The following PLXNA4 variants were observed in gnomAD, a reference collection of about 807,000 sequenced individuals.
PLXNA4 encodes plexin-A4.
PLXNA4 carries 44 observed loss-of-function variants against 191.8 expected under a neutral mutation model. The observed-to-expected ratio is 0.23, with a 90% CI of 0.18 to 0.29. The LOEUF is 0.29. PLXNA4 is among the 10% of genes least tolerant of loss of function. The pLI is 1.00. For synonymous variants in PLXNA4, 1,082 were observed against 1,009.5 expected (o/e 1.07, Z -1.36); for missense variants, 1,800 against 2,488.8 (o/e 0.72, Z 5.89).
intron 3 of PLXNA4, among the ~76,000 whole-genome samples, chr7:132,363,501 T>C (rs1435799562): frequency 6.6e-6 from 1 of 152,242 alleles, no homozygotes; most frequent in Non-Finnish European, 1.5e-5. Context: ...TTCATCCATG[T>C]TGTAGCACGT....
At chr7:132,303,434 C>T (rs927678765) in intron 3 of PLXNA4, among the ~76,000 whole-genome samples, 12 of 151,564 alleles carry the variant, frequency 7.9e-5, no homozygotes, top group African/African-American at 1.7e-4. Flanking sequence ...CTGGGCGTGG[C>T]GGTGGGCGCC....
Position 132,142,560 on chromosome 7 carries a change from G to A in PLXNA4, c.5226-1749C>T, listed in dbSNP as rs551210359. Among the ~76,000 whole-genome samples the A allele has an allele frequency of 3.0e-4, 45 of 152,278 alleles. 1 individual carries two copies. The South Asian group carries it at 9.3e-3, about 32-fold the overall frequency. ...TAATGTTCAAGACTGCCAATCAGTC[G>A]ACAAGGATCTATTAAGTTCCTACAA... On this transcript the variant is annotated intron_variant, in intron 29 of 31. Coordinates refer to ENST00000321063, the MANE Select transcript of PLXNA4 (RefSeq NM_020911.2).
At chr7:132,232,837 C>T (rs981914582) in intron 5 of PLXNA4, among the ~76,000 whole-genome samples, 1 of 152,122 alleles carries the variant, frequency 6.6e-6, no homozygotes, top group Non-Finnish European at 1.5e-5. Flanking sequence ...ATATTAACTC[C>T]CGGTGCCGCT....
At chr7:132,167,187 A>G (rs529627105) in intron 22 of PLXNA4, among the ~76,000 whole-genome samples, 2 of 152,352 alleles carry the variant, frequency 1.3e-5, no homozygotes, top group African/African-American at 4.8e-5. Flanking sequence ...GCCTTCGAGT[A>G]CACAAAAAGT....
At chr7:132,290,518 G>T (rs1371569062) in intron 4 of PLXNA4, among the ~76,000 whole-genome samples, 1 of 152,066 alleles carries the variant, frequency 6.6e-6, no homozygotes, top group Non-Finnish European at 1.5e-5. Context: ...TTATCACACT[G>T]GTTTCAGTGT....
chr7:132,132,468 C>CTGTTCTGTTCTGTTCTGTTCTGT lies in PLXNA4; in HGVS notation c.5589+580_5589+581insACAGAACAGAACAGAACAGAACA, dbSNP rs1563048357. ...TTCTGTTCTGTTCTGTTCTGTTCTG[C>CTGTTCTGTTCTGTTCTGTTCTGT]TCTGCTCTGCTCTGCTCTGCTCTAT... On this transcript the variant is annotated intron_variant, in intron 31 of 31. Transcript: ENST00000321063. 4.2e-3 allele frequency among the ~76,000 whole-genome samples: 189 copies of CTGTTCTGTTCTGTTCTGTTCTGT among 44,510 alleles called. 17 individuals are homozygous for CTGTTCTGTTCTGTTCTGTTCTGT. Among genetic ancestry groups the CTGTTCTGTTCTGTTCTGTTCTGT allele is most frequent in the Middle Eastern group, 0.011 (1 of 94 alleles). The allele number at this position is 44,510 out of a possible 152,430, so 29.2% of individuals were successfully genotyped here.
intron 3 of PLXNA4, among the ~76,000 whole-genome samples, chr7:132,418,252 A>G (rs1794731562): frequency 6.6e-6 from 1 of 152,126 alleles, no homozygotes; most frequent in African/African-American, 2.4e-5. Flanking sequence ...CTCTCCATCC[A>G]TCAAAGTTCA....
chr7:132,580,850 GA>G (rs997914183), upstream of PLXNA4, among the ~76,000 whole-genome samples: 3 of 152,178 alleles, frequency 2.0e-5, no homozygotes, highest in African/African-American at 7.2e-5. Flanking sequence ...GCACTGGATA[GA>G]AAAACCACAG....
At chr7:132,305,748 G>A (rs992514617) in intron 3 of PLXNA4, among the ~76,000 whole-genome samples, 2 of 152,122 alleles carry the variant, frequency 1.3e-5, no homozygotes, top group African/African-American at 2.4e-5. Context: ...GCAGATGCTT[G>A]CACTAGAGCA....
rs74887272 is a variant in PLXNA4 at position 132,297,052 on chromosome 7, G to A, written c.1503+1039C>T. ...TGTTAAGGCATAATGCACAAGCCCC[G>A]TGGGTGGCATAATGTGGAATTCATC... On this transcript the variant is annotated intron_variant, in intron 4 of 31. Transcript: ENST00000321063. 5.5e-3 allele frequency among the ~76,000 whole-genome samples: 832 copies of A among 152,250 alleles called. 9 individuals carry two copies. Among genetic ancestry groups the A allele is most frequent in the African/African-American group, 0.019 (783 of 41,546 alleles).
intron 16 of PLXNA4, among the ~76,000 whole-genome samples, chr7:132,184,711 G>T (rs1053217195): frequency 1.3e-5 from 2 of 151,310 alleles, no homozygotes; most frequent in South Asian, 2.1e-4. Context: ...CTCTGAGACA[G>T]GTGTTCAGTG....
chr7:132,334,830 T>C (rs542940914), intron 3 of PLXNA4, among the ~76,000 whole-genome samples: 6 of 152,322 alleles, frequency 3.9e-5, no homozygotes, highest in African/African-American at 1.2e-4. Flanking sequence ...AACATCGGCA[T>C]TGAATGGCGC....
rs571119478 is a variant in PLXNA4, at chr7:132,222,425, G to A, written c.2097+1102C>T. On this transcript the variant is annotated intron_variant, in intron 9 of 31. Coordinates refer to ENST00000321063, the MANE Select transcript of PLXNA4 (RefSeq NM_020911.2). ...TTAGTGGGGTATGAGTCTGGGATGG[G>A]GAGGGCACTTGATGGGCCTGTGTGT... Among the ~76,000 whole-genome samples the A allele has an allele frequency of 2.0e-5, 3 of 152,290 alleles. No individual in the cohort carries two copies. The East Asian group carries it at 5.8e-4, about 29-fold the overall frequency.
At chr7:132,232,685 G>A (rs1798562735) in intron 5 of PLXNA4, among the ~76,000 whole-genome samples, 1 of 152,188 alleles carries the variant, frequency 6.6e-6, no homozygotes, top group South Asian at 2.1e-4. Context: ...CCTCCCCTAA[G>A]CCTGAACTTT....
At chr7:132,339,466 A>G (rs1342396757) in intron 3 of PLXNA4, among the ~76,000 whole-genome samples, 1 of 152,236 alleles carries the variant, frequency 6.6e-6, no homozygotes, top group Admixed American at 6.5e-5. Flanking sequence ...TATCACATGA[A>G]AAGATTTGTT....
intron 4 of PLXNA4, among the ~76,000 whole-genome samples, chr7:132,242,649 T>C (rs1798920804): frequency 6.6e-6 from 1 of 152,212 alleles, no homozygotes; most frequent in Admixed American, 6.5e-5. Flanking sequence ...AGCTTACCTC[T>C]CCCATTCTGA....
chr7:132,252,562 A>G (rs1320430706), intron 4 of PLXNA4, among the ~76,000 whole-genome samples: 2 of 152,068 alleles, frequency 1.3e-5, no homozygotes, highest in African/African-American at 4.8e-5. Context: ...CAGCCTCCCA[A>G]AGTGCTGGGA....
chr7:132,352,140 C>T (rs577894202), intron 3 of PLXNA4, among the ~76,000 whole-genome samples: 13 of 152,214 alleles, frequency 8.5e-5, no homozygotes, highest in Non-Finnish European at 1.6e-4. Flanking sequence ...ATTCTCCTCA[C>T]AGCTTCCCCA....
chr7:132,436,646 A>G (rs1321798500), intron 3 of PLXNA4, among the ~76,000 whole-genome samples: 2 of 152,246 alleles, frequency 1.3e-5, no homozygotes, highest in Admixed American at 6.5e-5. Context: ...AAGTTGCTAC[A>G]TGGAAAATCA....
Sources: allele counts gnomAD v4.1 joint callset (sites outside exome capture counted in the v4.1 genomes callset), GRCh38; gene constraint gnomAD v4.1.1; transcripts MANE v1.5; gene names NCBI Gene and HGNC (gene_info 2026-07-23, HGNC 2026-07-21).